The following NALF1 variants were observed in gnomAD, a reference collection of about 807,000 sequenced individuals.
The protein encoded by NALF1 is NALCN channel auxiliary factor 1.
A neutral mutation model predicts 48.4 loss-of-function variants in NALF1; 3 were observed. That is an observed-to-expected ratio of 0.06 (90% CI 0.03 to 0.16). The LOEUF (loss-of-function observed/expected upper bound fraction) is 0.16. NALF1 is among the 10% of genes least tolerant of loss of function. The pLI is 1.00. For missense variants in NALF1, 526 were observed against 571.5 expected (o/e 0.92, Z 0.81); for synonymous variants, 262 against 245.7 (o/e 1.07, Z -0.62).
intron 1 of NALF1, among the ~76,000 whole-genome samples, chr13:107,351,906 C>T (rs9555347): frequency 0.19 from 29,083 of 152,044 alleles, 3,234 homozygotes; most frequent in East Asian, 0.37. Flanking sequence ...AAACCAGAAG[C>T]GGGCACTTCA....
chr13:107,340,489 T>TTTCTTTCTTTCTTCTCTCTTTC (rs1566489753), intron 1 of NALF1, among the ~76,000 whole-genome samples: 1 of 57,126 alleles, frequency 1.8e-5, no homozygotes, highest in Non-Finnish European at 5.3e-5. Context: ...TTCTTTCTTT[T>TTTCTTTCTTTCTTCTCTCTTTC]TGTCTTTCTT....
At chr13:107,491,671 C>T (rs1200281941) in intron 1 of NALF1, among the ~76,000 whole-genome samples, 3 of 152,168 alleles carry the variant, frequency 2.0e-5, no homozygotes, top group African/African-American at 7.2e-5. Context: ...CTGTCTCTAC[C>T]TTGCCCCATA....
chr13:107,244,982 T>A (rs1396345288), intron 1 of NALF1, among the ~76,000 whole-genome samples: 3 of 152,208 alleles, frequency 2.0e-5, no homozygotes, highest in Non-Finnish European at 4.4e-5. Context: ...TATAATGTAT[T>A]GGCTGAGCAA....
At chr13:107,586,400 T>A (rs942252838) in intron 1 of NALF1, among the ~76,000 whole-genome samples, 3 of 152,112 alleles carry the variant, frequency 2.0e-5, no homozygotes. Flanking sequence ...ACAGTTTGCA[T>A]GTGACGGCCC....
intron 1 of NALF1, among the ~76,000 whole-genome samples, chr13:107,344,069 C>T (rs1190762536): frequency 6.6e-6 from 1 of 151,760 alleles, no homozygotes; most frequent in African/African-American, 2.4e-5. Context: ...CAACTATCTG[C>T]CAGCAAATGG....
intron 1 of NALF1, among the ~76,000 whole-genome samples, chr13:107,827,058 G>T (rs138327156): frequency 6.6e-6 from 1 of 152,270 alleles, no homozygotes; most frequent in Non-Finnish European, 1.5e-5. Flanking sequence ...ACAAGATTTA[G>T]CACCTACTAT....
intron 1 of NALF1, among the ~76,000 whole-genome samples, chr13:107,723,623 T>C (rs1053230516): frequency 1.3e-5 from 2 of 152,168 alleles, no homozygotes; most frequent in African/African-American, 4.8e-5. Context: ...GCATACTATA[T>C]ACTGAAACAA....
intron 1 of NALF1, among the ~76,000 whole-genome samples, chr13:107,225,737 T>C (rs2138819724): frequency 6.6e-6 from 1 of 152,252 alleles, no homozygotes; most frequent in African/African-American, 2.4e-5. Context: ...CAACCTGCTC[T>C]TTCCATAGAG....
chr13:107,577,838 T>C (rs981982855), intron 1 of NALF1, among the ~76,000 whole-genome samples: 4 of 152,150 alleles, frequency 2.6e-5, no homozygotes, highest in African/African-American at 9.7e-5. Context: ...TACGTTCTGG[T>C]TCTTCCTCTT....
At position 107,440,103 on chromosome 13, in the gene NALF1, A is replaced by C. The variant is rs79013091; in HGVS notation, c.916-229348T>G. Among the ~76,000 whole-genome samples, 64 of 152,328 alleles carry C rather than the reference A, an allele frequency of 4.2e-4. 1 individual carries two copies. The East Asian group carries it at 0.012, about 28-fold the overall frequency. ...AGAGAATAATAGAAACAAGACATCCAAGGGATTTTCTAGTTCAACAACCTT... is the reference window on the plus strand; with the variant it reads ...AGAGAATAATAGAAACAAGACATCCCAGGGATTTTCTAGTTCAACAACCTT... On this transcript the variant is annotated intron_variant, in intron 1 of 2. Coordinates refer to ENST00000375915, the MANE Select transcript of NALF1 (RefSeq NM_001080396.3).
chr13:107,170,970 A>G (rs1400998484), intron 2 of NALF1, among the ~76,000 whole-genome samples, 184 bp from the exon 3 acceptor site: 1 of 152,240 alleles, frequency 6.6e-6, no homozygotes, highest in Non-Finnish European at 1.5e-5. Flanking sequence ...CAGTATTGTT[A>G]GATTCCTCAA....
At chr13:107,256,993 T>C (rs1284257731) in intron 1 of NALF1, among the ~76,000 whole-genome samples, 1 of 152,168 alleles carries the variant, frequency 6.6e-6, no homozygotes, top group East Asian at 1.9e-4. Context: ...AGAGGTTTAA[T>C]TGACTCACCA....
In NALF1 at chr13:107,593,236, T is replaced by C. The variant is rs114959757; in HGVS notation, c.915+272446A>G. Among the ~76,000 whole-genome samples, 382 of 152,082 alleles carry C rather than the reference T, an allele frequency of 2.5e-3. 3 individuals carry two copies. The highest frequency in any genetic ancestry group is 8.3e-3 in the African/African-American group (346 of 41,562). ...TAAGAACATTTAATGCTGTACATTATTCTAAAACATCTTATTTTATGCATA... is the reference window on the plus strand; with the variant it reads ...TAAGAACATTTAATGCTGTACATTACTCTAAAACATCTTATTTTATGCATA... On this transcript the variant is annotated intron_variant, in intron 1 of 2. Transcript: ENST00000375915.
At chr13:107,580,447 G>T (rs957001919) in intron 1 of NALF1, among the ~76,000 whole-genome samples, 2 of 152,050 alleles carry the variant, frequency 1.3e-5, no homozygotes, top group African/African-American at 4.8e-5. Flanking sequence ...TCATTCATGT[G>T]TCAAGCCCAA....
chr13:107,380,908 G>A (rs1883425096), intron 1 of NALF1, among the ~76,000 whole-genome samples: 1 of 149,962 alleles, frequency 6.7e-6, no homozygotes, highest in African/African-American at 2.5e-5. Context: ...AACCTGGGAG[G>A]CGGAGCTTGC....
intron 1 of NALF1, among the ~76,000 whole-genome samples, chr13:107,290,174 C>CAAAA (rs35974424): frequency 1.5e-5 from 1 of 65,872 alleles, no homozygotes; most frequent in Non-Finnish European, 3.3e-5. Flanking sequence ...CACAAACCAG[C>CAAAA]AAAAAAAAAA....
intron 1 of NALF1, among the ~76,000 whole-genome samples, chr13:107,692,227 T>C (rs1463620951): frequency 6.6e-6 from 1 of 152,234 alleles, no homozygotes; most frequent in Non-Finnish European, 1.5e-5. Flanking sequence ...TCATCTCTTT[T>C]CAAATTAGAC....
At chr13:107,400,835 A>G (rs1251618089) in intron 1 of NALF1, among the ~76,000 whole-genome samples, 4 of 152,200 alleles carry the variant, frequency 2.6e-5, no homozygotes, top group Non-Finnish European at 5.9e-5. Context: ...ATGACAGTTT[A>G]TGCAACAAAC....
intron 1 of NALF1, among the ~76,000 whole-genome samples, chr13:107,851,336 G>A (rs1348707821): frequency 6.7e-6 from 1 of 149,780 alleles, no homozygotes. Flanking sequence ...GTTCACAGAT[G>A]AACAGTTTTT....
Sources: allele counts gnomAD v4.1 joint callset (sites outside exome capture counted in the v4.1 genomes callset), GRCh38; gene constraint gnomAD v4.1.1; transcripts MANE v1.5; gene names NCBI Gene and HGNC (gene_info 2026-07-23, HGNC 2026-07-21).